Variants in CEP162 observed in about 807,000 individuals in gnomAD.
The protein encoded by CEP162 is centrosomal protein 162.
In CEP162, 141 loss-of-function variants were observed where a neutral mutation model predicts 169.2. The observed-to-expected ratio is 0.83, with a 90% CI of 0.73 to 0.96. The LOEUF (loss-of-function observed/expected upper bound fraction) is 0.96. CEP162 is among the 40% of genes least tolerant of loss of function. The pLI is 0.00. For synonymous variants in CEP162, 540 were observed against 526.4 expected, an observed-to-expected ratio of 1.03 and a Z score of -0.35; for missense variants, 1,600 against 1,587.2, an observed-to-expected ratio of 1.01 and a Z score of -0.14.
intron 13 of CEP162, among the ~76,000 whole-genome samples, chr6:84,182,990 T>G (rs1473425840): frequency 6.6e-6 from 1 of 152,106 alleles, no homozygotes; most frequent in East Asian, 1.9e-4. Context: ...CCCAAAGGAA[T>G]TATAGTTCCT....
intron 7 of CEP162, among the ~76,000 whole-genome samples, chr6:84,203,329 A>G (rs1415957403): frequency 6.6e-6 from 1 of 152,268 alleles, no homozygotes; most frequent in African/African-American, 2.4e-5. Context: ...CATAAAGGCA[A>G]GTCATACCAA....
intron 3 of CEP162, 61 bp from the exon 4 acceptor site, chr6:84,215,983 GACAAC>G: frequency 6.9e-7 from 1 of 1,453,706 alleles, no homozygotes; most frequent in Non-Finnish European, 9.0e-7. Context: ...TGGCCACTAT[GACAAC>G]ACAATAATAA....
At chr6:84,199,329 A>G (rs946397874) in intron 9 of CEP162, among the ~76,000 whole-genome samples, 3 of 152,132 alleles carry the variant, frequency 2.0e-5, no homozygotes, top group African/African-American at 7.2e-5. Flanking sequence ...TTTTACCTTT[A>G]TATTTTAAAA....
chr6:84,143,907 T>C (rs1329559588), intron 25 of CEP162, among the ~76,000 whole-genome samples: 1 of 151,998 alleles, frequency 6.6e-6, no homozygotes, highest in African/African-American at 2.4e-5. Context: ...TTTCCTATGG[T>C]CTCTATCAGT....
chr6:84,193,684 G>C lies in CEP162; in HGVS notation c.1034C>G (p.Pro345Arg), dbSNP rs1199440746. Residue 345 changes from proline to arginine, a missense_variant, in exon 11 of 27, where the codon CCC becomes CGC. Coordinates refer to ENST00000403245, the MANE Select transcript of CEP162 (RefSeq NM_014895.4). ...AGGTTTCATCAGCTCCTCTACTGTG[G>C]GCAGATCTAAGAGGTGGAAAAAAAA... Reference protein sequence around the residue: ...KNISTMESDLPTVEELMKPIR... With the variant: ...KNISTMESDLRTVEELMKPIR... 6.4e-7 allele frequency: 1 copy of C among 1,559,124 alleles called. No individual in the cohort carries two copies. Among genetic ancestry groups the C allele is most frequent in the Non-Finnish European group, 8.7e-7 (1 of 1,150,514 alleles).
chr6:84,133,408 G>C, intron 25 of CEP162, among the ~76,000 whole-genome samples: 1 of 152,210 alleles, frequency 6.6e-6, no homozygotes, highest in Non-Finnish European at 1.5e-5. Context: ...GGACGTTTAA[G>C]TCTGCAGAAG....
At chr6:84,189,570 C>A (rs558166747) in intron 11 of CEP162, among the ~76,000 whole-genome samples, 305 of 152,314 alleles carry the variant, frequency 2.0e-3, no homozygotes, top group African/African-American at 7.0e-3. Context: ...ACCGGCGCTG[C>A]GCTCGATTTC....
intron 11 of CEP162, 102 bp downstream of exon 11, chr6:84,193,507 G>C (rs9444146): frequency 0.12 from 73,905 of 609,842 alleles, 14,668 homozygotes; most frequent in African/African-American, 0.7. Flanking sequence ...CACAGGTAGA[G>C]TCAAGCTAGT....
chr6:84,200,963 A>G, intron 8 of CEP162, 58 bp from the exon 9 acceptor site: 1 of 1,049,982 alleles, frequency 9.5e-7, no homozygotes, highest in Admixed American at 1.8e-5. Context: ...GGTTCTGTTG[A>G]TCTAATACAA....
At chr6:84,186,716 CTATA>C in intron 11 of CEP162, 93 bp from the exon 12 acceptor site, 2 of 1,005,612 alleles carry the variant, frequency 2.0e-6, no homozygotes, top group Non-Finnish European at 2.9e-6. Context: ...CGCAGACACA[CTATA>C]TATTTGAATT....
chr6:84,142,839 T>C (rs899931407), intron 25 of CEP162, among the ~76,000 whole-genome samples: 12 of 152,060 alleles, frequency 7.9e-5, no homozygotes, highest in African/African-American at 2.4e-4. Flanking sequence ...AAGAAAAACA[T>C]GTATTTAACT....
chr6:84,190,864 G>A (rs753286725), intron 11 of CEP162, among the ~76,000 whole-genome samples: 14 of 152,190 alleles, frequency 9.2e-5, no homozygotes, highest in Non-Finnish European at 1.8e-4. Flanking sequence ...GGTATTTTTA[G>A]TAGAGACCAG....
At chr6:84,154,859 A>G (rs2099522538) in intron 22 of CEP162, among the ~76,000 whole-genome samples, 1 of 152,196 alleles carries the variant, frequency 6.6e-6, no homozygotes, top group South Asian at 2.1e-4. Flanking sequence ...GAAAACTCAG[A>G]AAGTAAGACA....
intron 9 of CEP162, among the ~76,000 whole-genome samples, chr6:84,200,489 T>C (rs1238172772): frequency 6.6e-6 from 1 of 152,180 alleles, no homozygotes; most frequent in African/African-American, 2.4e-5. Context: ...TTTAACTGAA[T>C]ACTCTGGAGA....
At chr6:84,196,734 T>C (rs766412962) in intron 9 of CEP162, among the ~76,000 whole-genome samples, 4 of 152,104 alleles carry the variant, frequency 2.6e-5, no homozygotes, top group African/African-American at 4.8e-5. Context: ...ACAATGTAAG[T>C]TGTGTATATA....
intron 24 of CEP162, among the ~76,000 whole-genome samples, chr6:84,147,022 A>T (rs2099519186): frequency 6.6e-6 from 1 of 152,154 alleles, no homozygotes; most frequent in African/African-American, 2.4e-5. Context: ...AAATTTGTAT[A>T]TCAAACGGAC....
At position 84,134,218 on chromosome 6, in the gene CEP162, T is replaced by G. The variant is rs55773536; in HGVS notation, c.3871-7706A>C. On this transcript the variant is annotated intron_variant, in intron 25 of 26. Transcript: ENST00000403245. ...TGGATGCCACTCCCCCCACCAAGCT[T>G]GAGCATCCCAGGTCACTTCAGACAG... 6.1e-3 allele frequency among the ~76,000 whole-genome samples: 926 copies of G among 152,252 alleles called. 2 individuals carry two copies. The highest frequency in any genetic ancestry group is 0.01 in the Non-Finnish European group (683 of 67,994).
intron 2 of CEP162, among the ~76,000 whole-genome samples, chr6:84,222,759 C>T (rs149652024): frequency 6.4e-4 from 97 of 150,568 alleles, no homozygotes; most frequent in Non-Finnish European, 1.1e-3. Flanking sequence ...AATGACAGGG[C>T]GCACACGCGC....
Position 84,152,971 on chromosome 6 carries a change from T to C in CEP162, c.3203A>G (p.Asp1068Gly). The stretch of plus-strand genomic sequence containing the variant: ...GAATTCTATAGACTGAAAATCTTCA[T>C]CATCTTTATCATTTTTCTTGACGTC... ...ELDVKKNDKD[D>G]EDFQSIEFQV... is the part of the protein sequence containing the mutation. The change falls in exon 23 of 27, where the codon GAT (aspartate) becomes GGT (glycine). Residue 1068 changes from aspartate (D) to glycine (G), a missense_variant. Asp to Gly is a moderately conservative substitution (Grantham distance 94). Transcript: ENST00000403245. 1 of 1,613,610 alleles carries C rather than the reference T, an allele frequency of 6.2e-7. No homozygotes were observed. The highest frequency in any genetic ancestry group is 1.1e-5 in the South Asian group (1 of 91,060).
Sources: allele counts gnomAD v4.1 joint callset (sites outside exome capture counted in the v4.1 genomes callset), GRCh38; gene constraint gnomAD v4.1.1; transcripts MANE v1.5; gene names NCBI Gene and HGNC (gene_info 2026-07-23, HGNC 2026-07-21).